Variants in NFIA observed in about 807,000 individuals in gnomAD.
NFIA encodes nuclear factor I A, also known as nuclear factor 1 A-type.
In NFIA, 8 loss-of-function variants were observed where a neutral mutation model predicts 62.8. The ratio of observed to expected loss-of-function variants is 0.13; its 90% CI spans 0.07 to 0.23. The LOEUF (loss-of-function observed/expected upper bound fraction) is 0.23, where lower values mean the gene tolerates loss of function less well. NFIA is among the 10% of genes least tolerant of loss of function. The pLI, the probability that NFIA is intolerant of heterozygous loss-of-function variation, is 1.00. For synonymous variants in NFIA, 235 were observed against 238.1 expected (o/e 0.99, Z 0.12); for missense variants, 410 against 642.1 (o/e 0.64, Z 3.91).
intron 3 of NFIA, among the ~76,000 whole-genome samples, chr1:61,315,606 A>G (rs893723175): frequency 5.9e-5 from 9 of 152,300 alleles, no homozygotes; most frequent in Admixed American, 1.3e-4. Flanking sequence ...AAAGTATCAG[A>G]ATGATTAGAG....
chr1:61,249,567 G>A (rs1376976160), intron 2 of NFIA, among the ~76,000 whole-genome samples: 2 of 152,144 alleles, frequency 1.3e-5, no homozygotes, highest in Non-Finnish European at 2.9e-5. Flanking sequence ...TTCGGAGGCC[G>A]AGGCGGGTAG....
At chr1:61,397,011 A>AAAT (rs1553181921) in intron 7 of NFIA, among the ~76,000 whole-genome samples, 80 of 151,686 alleles carry the variant, frequency 5.3e-4, no homozygotes, top group Non-Finnish European at 9.6e-4. Context: ...CCAAAAAAAA[A>AAAT]AATAATAATA....
At chr1:61,297,548 G>A (rs971760861) in intron 3 of NFIA, among the ~76,000 whole-genome samples, 8 of 152,156 alleles carry the variant, frequency 5.3e-5, no homozygotes, top group African/African-American at 1.7e-4. Flanking sequence ...TCCTTTCTTT[G>A]ATATAAATGT....
At chr1:61,219,022 A>T (rs1653832395) in intron 2 of NFIA, among the ~76,000 whole-genome samples, 1 of 152,096 alleles carries the variant, frequency 6.6e-6, no homozygotes, top group African/African-American at 2.4e-5. Context: ...ACCTGAGGTC[A>T]GGAGTTCAAG....
chr1:61,283,298 C>G (rs1332386565), intron 3 of NFIA, among the ~76,000 whole-genome samples: 2 of 151,806 alleles, frequency 1.3e-5, no homozygotes, highest in Non-Finnish European at 2.9e-5. Flanking sequence ...GGGCTGGACA[C>G]AGTGGCTCAC....
At chr1:61,318,438 T>C (rs908986088) in intron 3 of NFIA, among the ~76,000 whole-genome samples, 13 of 152,172 alleles carry the variant, frequency 8.5e-5, no homozygotes, top group Admixed American at 5.2e-4. Context: ...TTATCATGTA[T>C]ACCTGTCACC....
chr1:61,157,872 T>C (rs1158228299), intron 2 of NFIA, among the ~76,000 whole-genome samples: 1 of 152,234 alleles, frequency 6.6e-6, no homozygotes, highest in East Asian at 1.9e-4. Context: ...CTGGGCAGAC[T>C]GACACTGTGG....
rs541691488 is a variant in NFIA at position 61,141,384 on chromosome 1, G to T, written c.559+52704G>T. 3.3e-5 allele frequency among the ~76,000 whole-genome samples: 5 copies of T among 150,626 alleles called. No homozygotes were observed. The East Asian group carries it at 9.8e-4, about 29-fold the overall frequency. ...AACCCTGTCGTCCAAACCAGAAACCGGGCATCATCTTTGACTGGTCCCCTT... is the reference window on the plus strand; with the variant it reads ...AACCCTGTCGTCCAAACCAGAAACCTGGCATCATCTTTGACTGGTCCCCTT... On this transcript the variant is annotated intron_variant, in intron 2 of 10. Transcript: ENST00000403491.
intron 3 of NFIA, among the ~76,000 whole-genome samples, chr1:61,321,689 G>A (rs1660686730): frequency 6.6e-6 from 1 of 151,698 alleles, no homozygotes; most frequent in South Asian, 2.1e-4. Context: ...GCAACATGAC[G>A]ATTATTACTC....
At chr1:61,144,961 G>T (rs1232781105) in intron 2 of NFIA, among the ~76,000 whole-genome samples, 1 of 152,144 alleles carries the variant, frequency 6.6e-6, no homozygotes, top group Non-Finnish European at 1.5e-5. Context: ...ACCTGCCTCA[G>T]TTTAGCCACT....
Position 61,302,120 on chromosome 1 carries a change from CAG to C in NFIA, c.625+24538_625+24539del, listed in dbSNP as rs141363921. ...AACTGCCATTTACCCATGCAGTGGG[CAG>C]AGTTTCTCTTTTGACCTTGTTCATT... On this transcript the variant is annotated intron_variant, in intron 3 of 10. Coordinates refer to ENST00000403491, the MANE Select transcript of NFIA (RefSeq NM_001134673.4). 6.4e-3 allele frequency among the ~76,000 whole-genome samples: 975 copies of C among 152,284 alleles called. 11 individuals are homozygous for C. The highest frequency in any genetic ancestry group is 0.022 in the African/African-American group (912 of 41,536).
chr1:61,077,582 GT>G (rs1349331487), upstream of NFIA: 1 of 1,360,512 alleles, frequency 7.4e-7, no homozygotes, highest in African/African-American at 1.5e-5. Context: ...GAAGCAATTC[GT>G]CTGAGCATTT....
chr1:61,195,412 T>C (rs1651924691), intron 2 of NFIA, among the ~76,000 whole-genome samples: 1 of 152,170 alleles, frequency 6.6e-6, no homozygotes, highest in Admixed American at 6.5e-5. Flanking sequence ...TTAATTTTGT[T>C]CAATCGTTTG....
At chr1:61,379,947 T>C (rs1664337696) in intron 6 of NFIA, among the ~76,000 whole-genome samples, 1 of 152,180 alleles carries the variant, frequency 6.6e-6, no homozygotes, top group Non-Finnish European at 1.5e-5. Context: ...ACTTTGCACT[T>C]ATAAGTGCCT....
Position 61,088,686 on chromosome 1 carries a change from T to C in NFIA, c.559+6T>C, listed in dbSNP as rs1403475264. On this transcript the variant is annotated splice_donor_region_variant and intron_variant, in intron 2 of 10. Transcript: ENST00000403491. The surrounding 1 kb of genome is among the most constrained non-coding windows in gnomAD (Gnocchi z 4.5). ...ATACTTTGTGCATGCAGCAGGTAAG[T>C]GCGATGGTGAGAATTCCTCCCACTT... The C allele has an allele frequency of 9.4e-6, 15 of 1,602,580 alleles. No homozygotes were observed. Among genetic ancestry groups the C allele is most frequent in the Non-Finnish European group, 1.3e-5 (15 of 1,173,450 alleles).
intron 10 of NFIA, among the ~76,000 whole-genome samples, chr1:61,431,089 C>A: frequency 6.6e-6 from 1 of 152,116 alleles, no homozygotes. Context: ...ACGTGCCCTG[C>A]ATGCCCACCG....
At chr1:61,342,675 T>G (rs1399161847) in intron 4 of NFIA, among the ~76,000 whole-genome samples, 1 of 152,222 alleles carries the variant, frequency 6.6e-6, no homozygotes, top group Non-Finnish European at 1.5e-5. Context: ...AATGATGAGA[T>G]AGAAGTTTTG....
chr1:61,168,267 C>CAT (rs1649719108), intron 2 of NFIA, among the ~76,000 whole-genome samples: 1 of 152,148 alleles, frequency 6.6e-6, no homozygotes. Context: ...TGTGGAAGTG[C>CAT]AAGCATTGAC....
intron 2 of NFIA, among the ~76,000 whole-genome samples, chr1:61,205,422 A>G (rs1652829180): frequency 6.6e-6 from 1 of 152,192 alleles, no homozygotes; most frequent in Non-Finnish European, 1.5e-5. Flanking sequence ...GGGCTTTCTC[A>G]TAGGCATAGC....
Sources: allele counts gnomAD v4.1 joint callset (sites outside exome capture counted in the v4.1 genomes callset), GRCh38; gene constraint gnomAD v4.1.1; non-coding constraint Gnocchi (gnomAD v3.1); transcripts MANE v1.5; gene names NCBI Gene and HGNC (gene_info 2026-07-23, HGNC 2026-07-21).